The following EMC1 variants were observed in gnomAD, a reference collection of about 807,000 sequenced individuals.
EMC1 encodes ER membrane protein complex subunit 1.
Under a neutral mutation model 128.8 loss-of-function variants are expected in EMC1, and 103 were observed. The observed-to-expected ratio is 0.80, with a 90% CI of 0.68 to 0.94. EMC1 has a LOEUF of 0.94. Ranked by LOEUF, EMC1 falls within the 40% of genes least tolerant of loss-of-function variation. The pLI, the probability that EMC1 is intolerant of heterozygous loss-of-function variation, is 0.00. For synonymous variants in EMC1, 442 were observed against 490.4 expected (o/e 0.90, Z 1.30); for missense variants, 1,083 against 1,250.6 (o/e 0.87, Z 2.02).
chr1:19,248,302 A>T (rs2093641040), intron 1 of EMC1, among the ~76,000 whole-genome samples: 1 of 152,066 alleles, frequency 6.6e-6, no homozygotes, highest in African/African-American at 2.4e-5. Flanking sequence ...GGCTTAGGTG[A>T]TCCTCCCACC....
chr1:19,219,963 C>G (rs1005705933), intron 21 of EMC1: 3 of 433,118 alleles, frequency 6.9e-6, no homozygotes, highest in Admixed American at 7.6e-5. Context: ...ATGACTGGCA[C>G]TTCACACCAC....
At chr1:19,249,218 G>A (rs959555269) in intron 1 of EMC1, among the ~76,000 whole-genome samples, 3 of 152,070 alleles carry the variant, frequency 2.0e-5, no homozygotes, top group Non-Finnish European at 2.9e-5. Flanking sequence ...TATTTATAAA[G>A]TCCACAGTAG....
intron 1 of EMC1, among the ~76,000 whole-genome samples, chr1:19,248,150 T>A (rs528771080): frequency 3.9e-5 from 6 of 152,284 alleles, no homozygotes; most frequent in African/African-American, 1.4e-4. Flanking sequence ...ATATTGATGA[T>A]CCTGACCCTA....
Position 19,251,495 on chromosome 1 carries a change from C to T in EMC1, c.15G>A (p.Trp5Ter). The T allele has an allele frequency of 1.2e-6, 2 of 1,614,134 alleles. No homozygotes were observed. Among genetic ancestry groups the T allele is most frequent in the East Asian group, 2.2e-5 (1 of 44,888 alleles). The change falls in exon 1 of 23, where the codon TGG becomes TGA. Residue 5 changes from tryptophan (W) to a stop codon, truncating the protein, a stop_gained. Coordinates refer to ENST00000477853, the MANE Select transcript of EMC1 (RefSeq NM_015047.3). LOFTEE classifies it high-confidence loss of function. MAAE[W>*]ASRFWLWATL... is the part of the protein sequence containing the mutation. ...TAGCCCAAAGCCAGAAACGAGAAGC[C>T]CACTCAGCCGCCATGATGCGAGCGC...
In EMC1 at chr1:19,243,724, C is replaced by A. The variant is rs752650899; in HGVS notation, c.287-17G>T. ...TGATCACATCTGGAAAAGAAAAGAT[C>A]GTGGTGAAGTCATTTCCCACTTGCT... On this transcript the variant is annotated splice_polypyrimidine_tract_variant and intron_variant, in intron 3 of 22. Coordinates refer to ENST00000477853, the MANE Select transcript of EMC1 (RefSeq NM_015047.3). 11 of 1,612,982 alleles carry A rather than the reference C, an allele frequency of 6.8e-6. No homozygotes were observed. Among genetic ancestry groups the A allele is most frequent in the Admixed American group, 1.7e-5 (1 of 60,000 alleles).
chr1:19,235,806 T>C (rs1347887648), intron 12 of EMC1, among the ~76,000 whole-genome samples: 1 of 152,072 alleles, frequency 6.6e-6, no homozygotes, highest in African/African-American at 2.4e-5. Flanking sequence ...GATAGGAAGA[T>C]CACTTGAGCC....
Position 19,233,060 on chromosome 1 carries a change from C to T in EMC1, c.1508G>A (p.Trp503Ter), listed in dbSNP as rs1212485065. ...CTTCCGAGCATCATAAAACATTTTC[C>T]AGAGGTGGGAAGTCCATGCTTGCAG... ...ILLQAWTSHL[W>*]KMFYDARKPR... Residue 503 changes from tryptophan to a stop codon, truncating the protein, a stop_gained, in exon 14 of 23, where the codon TGG becomes TAG. Coordinates refer to ENST00000477853, the MANE Select transcript of EMC1 (RefSeq NM_015047.3). LOFTEE classifies it high-confidence loss of function. 2 of 1,614,174 alleles carry T rather than the reference C, an allele frequency of 1.2e-6. No homozygotes were observed. The highest frequency in any genetic ancestry group is 1.7e-6 in the Non-Finnish European group (2 of 1,180,044).
chr1:19,230,702 T>C, intron 17 of EMC1, 142 bp downstream of exon 17: 3 of 1,142,486 alleles, frequency 2.6e-6, no homozygotes, highest in Non-Finnish European at 3.7e-6. Context: ...TATGAACAAA[T>C]GATTGACTTT....
At position 19,215,691 on chromosome 1, in the gene EMC1, A is replaced by G. The variant is rs1325138303; in HGVS notation, c.*3612T>C. The G allele has an allele frequency of 6.6e-6, 1 of 151,666 alleles. No individual in the cohort carries two copies. Among genetic ancestry groups the G allele is most frequent in the Non-Finnish European group, 1.5e-5 (1 of 67,894 alleles). 9.4% of individuals were successfully genotyped at this position (151,666 alleles called of 1,614,324 possible). The stretch of plus-strand genomic sequence containing the variant: ...GATTTAAAAGCAATTTTTTCATTTT[A>G]TTTATTTTTGAGACAGGGTCTCACT... On this transcript the variant is annotated 3_prime_UTR_variant, in exon 23 of 23. Transcript: ENST00000477853.
At chr1:19,250,596 G>A (rs1273007022) in intron 1 of EMC1, among the ~76,000 whole-genome samples, 1 of 152,060 alleles carries the variant, frequency 6.6e-6, no homozygotes, top group Non-Finnish European at 1.5e-5. Flanking sequence ...ATCTGACCTG[G>A]GCCCTGAAGA....
At chr1:19,244,491 A>C in intron 2 of EMC1, 1 of 249,742 alleles carries the variant, frequency 4.0e-6, no homozygotes, top group Non-Finnish European at 7.9e-6. Context: ...AGCTCACTGC[A>C]GCCTCAACCT....
Position 19,219,283 on chromosome 1 carries a change from T to A in EMC1, c.*20A>T, listed in dbSNP as rs1338688641. 5 of 1,613,608 alleles carry A rather than the reference T, an allele frequency of 3.1e-6. No individual in the cohort carries two copies. Among genetic ancestry groups the A allele is most frequent in the Non-Finnish European group, 4.2e-6 (5 of 1,179,846 alleles). On this transcript the variant is annotated 3_prime_UTR_variant, in exon 23 of 23. Transcript: ENST00000477853. ...CCCACACTCCCCTGGCTCTCCACTT[T>A]TAGGCACAGTCTTTGTTCTTTATCG...
chr1:19,227,104 G>A (rs1226760479), intron 18 of EMC1, among the ~76,000 whole-genome samples: 2 of 152,124 alleles, frequency 1.3e-5, no homozygotes. Context: ...GCTAGGCACT[G>A]GGCTAGACAT....
Position 19,227,398 on chromosome 1 carries a change from C to T in EMC1, c.2117G>A (p.Arg706Gln), listed in dbSNP as rs199561891. Residue 706 changes from arginine to glutamine, a missense_variant, in exon 18 of 23, where the codon CGG (arginine) becomes CAG (glutamine). Transcript: ENST00000477853. Reference sequence around the variant, plus strand: ...GCGTTTCCCCTTCACCTTGACGATCCGCTGTACTTCTGGGGGAATGGTCAG... The same window carrying T: ...GCGTTTCCCCTTCACCTTGACGATCTGCTGTACTTCTGGGGGAATGGTCAG... ...WELTIPPEVQ[R>Q]IVKVKGKRSS... 28 of 1,614,064 alleles carry T rather than the reference C, an allele frequency of 1.7e-5. No individual in the cohort carries two copies. The highest frequency in any genetic ancestry group is 1.6e-4 in the Middle Eastern group (1 of 6,084).
chr1:19,224,229 C>T (rs976635570), intron 18 of EMC1, among the ~76,000 whole-genome samples: 2 of 152,290 alleles, frequency 1.3e-5, no homozygotes, highest in East Asian at 1.9e-4. Flanking sequence ...CACTTACCCT[C>T]GTGGTGATCT....
Position 19,223,425 on chromosome 1 carries a change from G to A in EMC1, c.2347C>T (p.His783Tyr). ...SVQKKAKGPV[H>Y]IVHSENWVVY... ...ACCCAGTTCTCTGAATGCACGATATGGACAGGGCCTTTGGCTTTCTTCTGC... is the reference window on the plus strand; with the variant it reads ...ACCCAGTTCTCTGAATGCACGATATAGACAGGGCCTTTGGCTTTCTTCTGC... The change falls in exon 19 of 23, where the codon CAT becomes TAT. Residue 783 changes from histidine (H) to tyrosine (Y), a missense_variant. Physicochemically the swap from His to Tyr is moderately conservative, Grantham distance 83. Transcript: ENST00000477853. The A allele has an allele frequency of 5.6e-6, 9 of 1,614,148 alleles. No homozygotes were observed. The highest frequency in any genetic ancestry group is 7.6e-6 in the Non-Finnish European group (9 of 1,180,020).
chr1:19,223,965 C>A (rs710874), intron 18 of EMC1, among the ~76,000 whole-genome samples: 8 of 152,180 alleles, frequency 5.3e-5, no homozygotes, highest in Admixed American at 1.3e-4. Flanking sequence ...GGTCACCACC[C>A]CCCTCCCCAT....
At chr1:19,249,769 AC>A (rs1322497256) in intron 1 of EMC1, among the ~76,000 whole-genome samples, 1 of 152,036 alleles carries the variant, frequency 6.6e-6, no homozygotes, top group Non-Finnish European at 1.5e-5. Context: ...TACAAAAAAT[AC>A]AAAGAAACTG....
chr1:19,237,654 A>C (rs1291647327), intron 11 of EMC1, among the ~76,000 whole-genome samples: 1 of 152,162 alleles, frequency 6.6e-6, no homozygotes, highest in African/African-American at 2.4e-5. Flanking sequence ...TTAGACCTGA[A>C]TCTGAACCGC....
Sources: gnomAD v4.1 joint callset for allele counts (sites outside exome capture counted in the v4.1 genomes callset) on GRCh38, gnomAD v4.1.1 for gene constraint, MANE v1.5 for transcripts, NCBI Gene and HGNC (gene_info 2026-07-23, HGNC 2026-07-21) for gene names.